Variants in CYFIP1 observed in about 807,000 individuals in gnomAD.
CYFIP1 encodes the protein cytoplasmic FMR1 interacting protein 1.
A neutral mutation model predicts 163.5 loss-of-function variants in CYFIP1; 58 were observed. That is an observed-to-expected ratio of 0.35 (90% CI 0.29 to 0.44). CYFIP1 has a LOEUF of 0.44. CYFIP1 is among the 20% of genes least tolerant of loss of function. CYFIP1 has a pLI of 1.00. For missense variants in CYFIP1, 1,338 were observed against 1,653.8 expected (o/e 0.81, Z 3.31); for synonymous variants, 663 against 660.7 (o/e 1.00, Z -0.05).
chr15:22,876,704 G>T (rs1373477707), intron 26 of CYFIP1, among the ~76,000 whole-genome samples: 1 of 151,992 alleles, frequency 6.6e-6, no homozygotes, highest in African/African-American at 2.4e-5. Flanking sequence ...GGTGGCACAT[G>T]CCTGTAATCC....
At chr15:22,883,408 G>C (rs2059826789) in intron 23 of CYFIP1, among the ~76,000 whole-genome samples, 1 of 152,222 alleles carries the variant, frequency 6.6e-6, no homozygotes, top group Non-Finnish European at 1.5e-5. Context: ...CACCCCCGGA[G>C]CCGGGAGAGA....
intron 23 of CYFIP1, among the ~76,000 whole-genome samples, chr15:22,891,390 C>A (rs1187790077): frequency 6.6e-6 from 1 of 152,154 alleles, no homozygotes; most frequent in East Asian, 1.9e-4. Context: ...ATGCCACTGC[C>A]CTCCAGCCTG....
At position 22,873,604 on chromosome 15, in the gene CYFIP1, A is replaced by G. The variant is rs201705246; in HGVS notation, c.3336T>C (p.Pro1112=). The change falls in exon 29 of 31, where the codon CCT becomes CCC. Residue 1112 remains proline (P), a synonymous_variant. Transcript: ENST00000617928. ...CATGCATGACCCCATTGCTGGGCAG[A>G]GGCCCGCGCCAGATGGGGTCATCCA... ...SFLDDPIWRG[P]LPSNGVMHVD... is the part of the protein sequence containing the mutation. 50 of 1,614,254 alleles carry G rather than the reference A, an allele frequency of 3.1e-5. No homozygotes were observed. Among genetic ancestry groups the G allele is most frequent in the Admixed American group, 6.7e-5 (4 of 60,030 alleles).
In CYFIP1 at chr15:22,914,427, T is replaced by C. The variant is rs540859871; in HGVS notation, c.1985+299A>G. Reference sequence around the variant, plus strand: ...TTACCCCAGGAAACATGATTTCTCTTTTTTTTTTTTTTATTTGGAGACAGG... The same window carrying C: ...TTACCCCAGGAAACATGATTTCTCTCTTTTTTTTTTTTATTTGGAGACAGG... On this transcript the variant is annotated intron_variant, in intron 17 of 30. Coordinates refer to ENST00000617928, the MANE Select transcript of CYFIP1 (RefSeq NM_014608.6). Among the ~76,000 whole-genome samples, 25 of 144,552 alleles carry C rather than the reference T, an allele frequency of 1.7e-4. No homozygotes were observed. In the East Asian group the frequency reaches 4.3e-3, roughly 25 times the overall value. The allele number at this position is 144,552 out of a possible 152,430, so 94.8% of individuals were successfully genotyped here. A position where few individuals can be genotyped will look rare whatever the true frequency, so the allele number is the denominator to read the frequency against.
chr15:22,975,628 G>A (rs752921333), intron 1 of CYFIP1, among the ~76,000 whole-genome samples: 10 of 151,962 alleles, frequency 6.6e-5, no homozygotes, highest in Non-Finnish European at 1.2e-4. Flanking sequence ...GAGTGGTGGC[G>A]CATGCCTGTA....
rs780845977 is a variant in CYFIP1 at position 22,939,395 on chromosome 15, C to T, written c.666+16G>A. The T allele has an allele frequency of 6.2e-7, 1 of 1,613,842 alleles. No homozygotes were observed. Among genetic ancestry groups the T allele is most frequent in the South Asian group, 1.1e-5 (1 of 91,070 alleles). On this transcript the variant is annotated intron_variant, in intron 7 of 30. Coordinates refer to ENST00000617928, the MANE Select transcript of CYFIP1 (RefSeq NM_014608.6). ...TGCTTGGCCCATCAACCTGAGTGTG[C>T]AAACACCAGCCTTACCTGTGTGATC... is the stretch of plus-strand genomic sequence containing the variant.
chr15:22,946,934 A>C, intron 3 of CYFIP1, 69 bp downstream of exon 3: 1 of 1,355,492 alleles, frequency 7.4e-7, no homozygotes, highest in Non-Finnish European at 1.1e-6. Context: ...ATAATACCAA[A>C]AAGTATACAT....
intron 9 of CYFIP1, among the ~76,000 whole-genome samples, chr15:22,935,468 T>C (rs2061683446): frequency 6.6e-6 from 1 of 152,170 alleles, no homozygotes; most frequent in African/African-American, 2.4e-5. Flanking sequence ...AGAATGCTTC[T>C]AGAAGCTAAC....
At chr15:22,889,737 G>A (rs978861037) in intron 23 of CYFIP1, among the ~76,000 whole-genome samples, 1 of 152,080 alleles carries the variant, frequency 6.6e-6, no homozygotes, top group Non-Finnish European at 1.5e-5. Context: ...CTCTATCAGG[G>A]AGTGACAAAA....
At chr15:22,948,459 G>A (rs1196634124) in intron 1 of CYFIP1, among the ~76,000 whole-genome samples, 3 of 152,130 alleles carry the variant, frequency 2.0e-5, no homozygotes, top group African/African-American at 7.2e-5. Context: ...TCTCCTCAGG[G>A]TGTTTGCTTT....
chr15:22,948,911 T>G (rs918512719), intron 1 of CYFIP1, among the ~76,000 whole-genome samples: 3 of 151,632 alleles, frequency 2.0e-5, no homozygotes, highest in African/African-American at 7.3e-5. Flanking sequence ...TTGAAAAAAT[T>G]TTGGGGATCT....
chr15:22,955,016 C>T (rs1483369936), intron 1 of CYFIP1, among the ~76,000 whole-genome samples: 3 of 152,184 alleles, frequency 2.0e-5, no homozygotes, highest in Non-Finnish European at 2.9e-5. Flanking sequence ...TCATGCTGCA[C>T]ACCTCACTCA....
chr15:22,962,679 C>A (rs995858561), intron 1 of CYFIP1, among the ~76,000 whole-genome samples: 2 of 152,080 alleles, frequency 1.3e-5, no homozygotes, highest in African/African-American at 4.8e-5. Context: ...GCTGAGATTA[C>A]AGACGTGAGC....
intron 22 of CYFIP1, among the ~76,000 whole-genome samples, chr15:22,899,486 T>C (rs1289095585): frequency 6.6e-6 from 1 of 152,130 alleles, no homozygotes; most frequent in East Asian, 1.9e-4. Flanking sequence ...TTTCCCATGC[T>C]TTTTTCATGA....
intron 26 of CYFIP1, among the ~76,000 whole-genome samples, chr15:22,878,767 G>T (rs1275084068): frequency 6.6e-6 from 1 of 150,860 alleles, no homozygotes; most frequent in East Asian, 1.9e-4. Context: ...AGAGTGAAAA[G>T]GTAAGCCACA....
At position 22,867,390 on chromosome 15, in the gene CYFIP1, C is replaced by CA. The variant is rs978924981; in HGVS notation, c.*2637dup. 185 of 386,444 alleles carry CA rather than the reference C, an allele frequency of 4.8e-4. 2 individuals carry two copies. Among genetic ancestry groups the CA allele is most frequent in the African/African-American group, 2.1e-3 (103 of 48,324 alleles). 23.9% of individuals were successfully genotyped at this position (386,444 alleles called of 1,614,324 possible). On this transcript the variant is annotated 3_prime_UTR_variant, in exon 31 of 31. Transcript: ENST00000617928. ...ATGAAGGAACCTCTTTCTTACAAAA[C>CA]AAAAAAAAGGGCAGAAATCACCCCA...
At chr15:22,971,939 G>A (rs995180187) in intron 1 of CYFIP1, among the ~76,000 whole-genome samples, 2 of 133,356 alleles carry the variant, frequency 1.5e-5, no homozygotes, top group Non-Finnish European at 1.6e-5. Context: ...CAGGTTCAAT[G>A]CAATCTACAG....
At chr15:22,911,102 G>C (rs2060773992) in intron 18 of CYFIP1, among the ~76,000 whole-genome samples, 1 of 151,948 alleles carries the variant, frequency 6.6e-6, no homozygotes, top group Non-Finnish European at 1.5e-5. Flanking sequence ...GGCTACTCGG[G>C]AGGCTAAGCA....
chr15:22,934,288 A>G (rs915981912), intron 9 of CYFIP1, among the ~76,000 whole-genome samples: 3 of 139,934 alleles, frequency 2.1e-5, no homozygotes, highest in African/African-American at 8.1e-5. Flanking sequence ...CCAGGTTCAC[A>G]TCATTCTCCT....
Sources: allele counts gnomAD v4.1 joint callset (sites outside exome capture counted in the v4.1 genomes callset), GRCh38; gene constraint gnomAD v4.1.1; transcripts MANE v1.5; gene names NCBI Gene and HGNC (gene_info 2026-07-23, HGNC 2026-07-21).